The following REV3L variants were observed in gnomAD, a reference collection of about 807,000 sequenced individuals.
The protein encoded by REV3L is DNA polymerase zeta catalytic subunit.
Under a neutral mutation model 299.4 loss-of-function variants are expected in REV3L, and 69 were observed. That is an observed-to-expected ratio of 0.23 (90% CI 0.19 to 0.28). The LOEUF (loss-of-function observed/expected upper bound fraction) is 0.28, where lower values mean the gene tolerates loss of function less well. Ranked by LOEUF, REV3L falls within the 10% of genes least tolerant of loss-of-function variation. The probability of loss-of-function intolerance (pLI) is 1.00; values close to 1 mark genes in which losing one functional copy is unlikely to be tolerated. For missense variants in REV3L, 3,128 were observed against 3,693.8 expected (o/e 0.85, Z 3.97); for synonymous variants, 1,238 against 1,271.4 (o/e 0.97, Z 0.56).
At chr6:111,338,458 C>T (rs749230038) in intron 21 of REV3L, among the ~76,000 whole-genome samples, 16 of 149,308 alleles carry the variant, frequency 1.1e-4, no homozygotes, top group Non-Finnish European at 2.1e-4. Context: ...TTGAATATTT[C>T]AGGATTTTTT....
intron 26 of REV3L, among the ~76,000 whole-genome samples, chr6:111,316,996 C>A (rs1205149413): frequency 1.3e-5 from 2 of 151,962 alleles, no homozygotes; most frequent in Non-Finnish European, 1.5e-5. Context: ...TATTCTACAA[C>A]CTGACCACCA....
Position 111,306,915 on chromosome 6 carries a change from T to G in REV3L, c.9252+446A>C, listed in dbSNP as rs1772373071. Among the ~76,000 whole-genome samples the G allele has an allele frequency of 2.0e-5, 3 of 152,234 alleles. No homozygotes were observed. The South Asian group carries it at 6.2e-4, about 31-fold the overall frequency. Reference sequence around the variant, plus strand: ...GAAGTGTTTCAGATTTCAAATTTTTTCAGATTTTGGAATAAGTGCATTATA... The same window carrying G: ...GAAGTGTTTCAGATTTCAAATTTTTGCAGATTTTGGAATAAGTGCATTATA... On this transcript the variant is annotated intron_variant, in intron 31 of 31. Coordinates refer to ENST00000368802, the MANE Select transcript of REV3L (RefSeq NM_001372078.1).
chr6:111,441,090 T>G (rs541459003), intron 1 of REV3L, among the ~76,000 whole-genome samples: 2 of 152,348 alleles, frequency 1.3e-5, no homozygotes, highest in African/African-American at 4.8e-5. Context: ...TTTGGAAAAT[T>G]CTCAGTCATT....
At chr6:111,412,698 C>A (rs1220560516) in intron 2 of REV3L, among the ~76,000 whole-genome samples, 1 of 149,714 alleles carries the variant, frequency 6.7e-6, no homozygotes, top group Non-Finnish European at 1.5e-5. Context: ...GTAGCAGAGA[C>A]ATTATTTTGG....
At chr6:111,462,760 G>A (rs1321194011) in intron 1 of REV3L, among the ~76,000 whole-genome samples, 1 of 152,128 alleles carries the variant, frequency 6.6e-6, no homozygotes, top group Non-Finnish European at 1.5e-5. Context: ...TAGTAGAGAT[G>A]TGCTCATATT....
chr6:111,467,236 T>C (rs1292507371), intron 1 of REV3L, among the ~76,000 whole-genome samples: 2 of 152,198 alleles, frequency 1.3e-5, no homozygotes, highest in African/African-American at 4.8e-5. Context: ...TATACAAAAG[T>C]CAAGGGAAAA....
chr6:111,375,169 T>C lies in REV3L; in HGVS notation c.3186A>G (p.Gln1062=). 1 of 1,609,178 alleles carries C rather than the reference T, an allele frequency of 6.2e-7. No individual in the cohort carries two copies. The highest frequency in any genetic ancestry group is 8.5e-7 in the Non-Finnish European group (1 of 1,178,874). ...TAATATTTTCATTATTTGTCCTTTG[T>C]TGTTTACCAGTTTTTTTCTTAGCAG... ...HKSAKKKTGK[Q]QRTNNENIKR... is the part of the protein sequence containing the mutation. Residue 1062 remains glutamine, a synonymous_variant, in exon 13 of 32, where the codon CAA becomes CAG. Transcript: ENST00000368802.
At chr6:111,364,091 A>G (rs1173290551) in intron 15 of REV3L, 113 bp from the exon 16 acceptor site, 4 of 1,358,218 alleles carry the variant, frequency 2.9e-6, no homozygotes, top group Non-Finnish European at 4.0e-6. Context: ...AATAAATGGT[A>G]AACTAATATC....
chr6:111,448,442 G>GGCTCAGATC (rs1562327410), intron 1 of REV3L, among the ~76,000 whole-genome samples: 54 of 151,862 alleles, frequency 3.6e-4, no homozygotes, highest in African/African-American at 1.3e-3. Context: ...AGGCTCAGAT[G>GGCTCAGATC]ATCCACCTCA....
At position 111,343,915 on chromosome 6, in the gene REV3L, A is replaced by G. The variant is rs1776781009; in HGVS notation, c.7538+10T>C. On this transcript the variant is annotated intron_variant, in intron 21 of 31. Transcript: ENST00000368802. ...TTTATATTACCTTCTTCAGAGTTAT[A>G]GAACAGTACCTGTATAGATCTGTCT... The G allele has an allele frequency of 6.8e-7, 1 of 1,477,790 alleles. No homozygotes were observed. The highest frequency in any genetic ancestry group is 9.3e-7 in the Non-Finnish European group (1 of 1,077,222). The allele number at this position is 1,477,790 out of a possible 1,614,324, so 91.5% of individuals were successfully genotyped here.
At chr6:111,483,283 C>G, upstream of REV3L, 1 of 304,158 alleles carries the variant, frequency 3.3e-6, no homozygotes, top group Non-Finnish European at 5.9e-6. Flanking sequence ...GCGAGTAGTG[C>G]GGGGGAGGGG....
chr6:111,416,609 T>TAATGTAAC (rs2128284710), intron 1 of REV3L, 137 bp from the exon 2 acceptor site: 1 of 657,602 alleles, frequency 1.5e-6, no homozygotes, highest in African/African-American at 1.8e-5. Flanking sequence ...AACCCATAGT[T>TAATGTAAC]CAAAGTAACC....
chr6:111,464,988 C>T (rs1453896512), intron 1 of REV3L, among the ~76,000 whole-genome samples: 1 of 151,348 alleles, frequency 6.6e-6, no homozygotes, highest in Admixed American at 6.6e-5. Context: ...GGTGACAGAG[C>T]AAGACTCCAT....
At chr6:111,429,607 T>C (rs758120056) in intron 1 of REV3L, among the ~76,000 whole-genome samples, 9 of 150,782 alleles carry the variant, frequency 6.0e-5, no homozygotes, top group African/African-American at 1.2e-4. Context: ...CATTAAGAGA[T>C]AGGCAATATA....
chr6:111,434,346 G>A (rs1787292964), intron 1 of REV3L, among the ~76,000 whole-genome samples: 1 of 152,168 alleles, frequency 6.6e-6, no homozygotes, highest in Non-Finnish European at 1.5e-5. Context: ...CGGGCGTGGT[G>A]GCTCATGCCT....
rs752707729 is a variant in REV3L, at chr6:111,380,144, T to C, written c.1292A>G (p.Asn431Ser). ...GGAGCGACATGGTGATGGCATCCTA[T>C]TTCTTTCCCCCCGATATCCATCACT... Reference protein sequence around the residue: ...LESDGYRGERNRMPSPCRSFG... With the variant: ...LESDGYRGERSRMPSPCRSFG... Residue 431 changes from asparagine to serine, a missense_variant, in exon 11 of 32, where the codon AAT becomes AGT. Physicochemically the swap from Asn to Ser is conservative, Grantham distance 46 (BLOSUM62 1). Around this residue, in one of 9 missense-constraint regions of REV3L, gnomAD observed 2,409 missense variants for 2,611.8 expected, o/e 0.92. Coordinates refer to ENST00000368802, the MANE Select transcript of REV3L (RefSeq NM_001372078.1). 1.9e-6 allele frequency: 3 copies of C among 1,614,140 alleles called. No individual in the cohort carries two copies. Among genetic ancestry groups the C allele is most frequent in the Admixed American group, 3.3e-5 (2 of 60,018 alleles).
At chr6:111,425,921 G>A (rs916864345) in intron 1 of REV3L, among the ~76,000 whole-genome samples, 1 of 152,152 alleles carries the variant, frequency 6.6e-6, no homozygotes. Flanking sequence ...ATTTACAAGA[G>A]GGGGTATGAT....
In REV3L at chr6:111,329,521, G is replaced by C. The variant is rs777484105; in HGVS notation, c.8241+11C>G. 6 of 1,612,570 alleles carry C rather than the reference G, an allele frequency of 3.7e-6. No homozygotes were observed. Among genetic ancestry groups the C allele is most frequent in the Admixed American group, 3.3e-5 (2 of 59,978 alleles). On this transcript the variant is annotated intron_variant, in intron 25 of 31. Coordinates refer to ENST00000368802, the MANE Select transcript of REV3L (RefSeq NM_001372078.1). The stretch of plus-strand genomic sequence containing the variant: ...TCTCTTTTGAAAAAACTACAGATTT[G>C]TATCACTTACCTCAATGCATGGCAT...
intron 4 of REV3L, among the ~76,000 whole-genome samples, chr6:111,393,832 A>G (rs1047700487): frequency 2.0e-5 from 3 of 152,056 alleles, no homozygotes; most frequent in Non-Finnish European, 2.9e-5. Context: ...ACTCCTGGCT[A>G]AAGACGAACT....
Sources: allele counts gnomAD v4.1 joint callset (sites outside exome capture counted in the v4.1 genomes callset), GRCh38; gene constraint gnomAD v4.1.1; regional missense constraint gnomAD v4.1.1; transcripts MANE v1.5; gene names NCBI Gene and HGNC (gene_info 2026-07-23, HGNC 2026-07-21).